Variants in ERC2 observed in about 807,000 individuals in gnomAD.
The protein encoded by ERC2 is ELKS/RAB6-interacting/CAST family member 2.
A neutral mutation model predicts 114.8 loss-of-function variants in ERC2; 42 were observed. The ratio of observed to expected loss-of-function variants is 0.37; its 90% CI spans 0.29 to 0.47. ERC2 has a LOEUF of 0.47. Ranked by LOEUF, ERC2 falls within the 20% of genes least tolerant of loss-of-function variation. ERC2 has a pLI of 0.99. For synonymous variants in ERC2, 454 were observed against 425.5 expected (o/e 1.07, Z -0.82); for missense variants, 939 against 1,150.7 (o/e 0.82, Z 2.66).
chr3:55,612,662 C>T (rs1168938068), intron 17 of ERC2: 2 of 152,108 alleles, frequency 1.3e-5, no homozygotes, highest in Non-Finnish European at 2.9e-5. Flanking sequence ...CAACAGTTGG[C>T]ATAAAGCAAT....
chr3:55,673,675 G>A (rs1001403919), intron 17 of ERC2, among the ~76,000 whole-genome samples: 2 of 152,126 alleles, frequency 1.3e-5, no homozygotes, highest in Non-Finnish European at 2.9e-5. Flanking sequence ...CAGCACCAGG[G>A]GAGACAAGTA....
intron 10 of ERC2, among the ~76,000 whole-genome samples, chr3:55,997,478 T>A (rs1400957039): frequency 6.0e-5 from 9 of 149,066 alleles, no homozygotes; most frequent in South Asian, 2.1e-4. Context: ...TAAAAGAAAA[T>A]TTTTAAGGTG....
rs145218963 is a variant in ERC2 at position 55,957,149 on chromosome 3, A to G, written c.2268-6589T>C. On this transcript the variant is annotated intron_variant, in intron 12 of 17. Coordinates refer to ENST00000288221, the MANE Select transcript of ERC2 (RefSeq NM_015576.3). ...GAGAAGTAGAACGTCCTGGAGGGAA[A>G]GACAATTTTAGCCTCCACCTTGTAG... is the stretch of plus-strand genomic sequence containing the variant. Among the ~76,000 whole-genome samples the G allele has an allele frequency of 1.7e-3, 261 of 152,302 alleles. 1 individual carries two copies. The highest frequency in any genetic ancestry group is 5.8e-3 in the African/African-American group (240 of 41,574).
At chr3:56,039,171 A>G (rs1378616897) in intron 7 of ERC2, among the ~76,000 whole-genome samples, 2 of 152,212 alleles carry the variant, frequency 1.3e-5, no homozygotes, top group Non-Finnish European at 2.9e-5. Context: ...GCACATGTTT[A>G]CCTATGAAAC....
intron 14 of ERC2, among the ~76,000 whole-genome samples, chr3:55,861,554 T>C (rs2062028099): frequency 6.6e-6 from 1 of 152,238 alleles, no homozygotes; most frequent in African/African-American, 2.4e-5. Flanking sequence ...TATAGGGACC[T>C]GTTTTAATTA....
intron 2 of ERC2, among the ~76,000 whole-genome samples, chr3:56,369,530 A>G (rs1270060005): frequency 6.6e-6 from 1 of 152,214 alleles, no homozygotes; most frequent in East Asian, 1.9e-4. Flanking sequence ...CACATTTCCT[A>G]CAGTGATAGT....
chr3:56,031,853 G>A (rs781239347), intron 7 of ERC2, among the ~76,000 whole-genome samples: 1 of 152,140 alleles, frequency 6.6e-6, no homozygotes, highest in Non-Finnish European at 1.5e-5. Flanking sequence ...AAATTCCACT[G>A]GGATTTTTGG....
chr3:56,439,748 G>GTT (rs955546908), intron 1 of ERC2, among the ~76,000 whole-genome samples: 2 of 148,000 alleles, frequency 1.4e-5, no homozygotes, highest in Non-Finnish European at 3.0e-5. Flanking sequence ...TTCCTTTATG[G>GTT]TTTTTTTTTG....
intron 15 of ERC2, among the ~76,000 whole-genome samples, chr3:55,704,066 C>T (rs1268783207): frequency 6.6e-6 from 1 of 152,104 alleles, no homozygotes; most frequent in Admixed American, 6.6e-5. Context: ...TCTGTTAGTG[C>T]CAAAAGTCAA....
chr3:55,645,154 G>A (rs1472124103), intron 17 of ERC2, among the ~76,000 whole-genome samples: 1 of 152,128 alleles, frequency 6.6e-6, no homozygotes, highest in Non-Finnish European at 1.5e-5. Flanking sequence ...TTGGAAATGA[G>A]TATATGTATA....
At position 56,057,566 on chromosome 3, in the gene ERC2, A is replaced by T. The variant is rs1376547843; in HGVS notation, c.1641+23251T>A. Among the ~76,000 whole-genome samples the T allele has an allele frequency of 2.0e-5, 3 of 152,206 alleles. No homozygotes were observed. In the East Asian group the frequency reaches 5.8e-4, roughly 29 times the overall value. On this transcript the variant is annotated intron_variant, in intron 7 of 17. Transcript: ENST00000288221. ...AAGATGTACCTAAAATGCAGTACCAAAGCAACTTCCCAGAACCTTGTTTTC... is the reference window on the plus strand; with the variant it reads ...AAGATGTACCTAAAATGCAGTACCATAGCAACTTCCCAGAACCTTGTTTTC...
intron 6 of ERC2, among the ~76,000 whole-genome samples, chr3:56,131,575 T>C (rs2080201358): frequency 6.6e-6 from 1 of 152,172 alleles, no homozygotes. Context: ...TATTATCCTT[T>C]GAAGGCTGAA....
rs9874512 is a variant in ERC2 at position 56,230,958 on chromosome 3, T to C, written c.1075-57438A>G. On this transcript the variant is annotated intron_variant, in intron 3 of 17. Coordinates refer to ENST00000288221, the MANE Select transcript of ERC2 (RefSeq NM_015576.3). ...TAGGATTAAAATATGCATCAGGTGCTGCCTAAGGGCAAAGTATCATGACAT... is the reference window on the plus strand; with the variant it reads ...TAGGATTAAAATATGCATCAGGTGCCGCCTAAGGGCAAAGTATCATGACAT... Among the ~76,000 whole-genome samples the C allele has an allele frequency of 4.9e-3, 744 of 152,376 alleles. 11 individuals are homozygous for C. Among genetic ancestry groups the C allele is most frequent in the African/African-American group, 0.016 (680 of 41,598 alleles).
At chr3:56,067,783 A>T (rs533502447) in intron 7 of ERC2, among the ~76,000 whole-genome samples, 1 of 152,200 alleles carries the variant, frequency 6.6e-6, no homozygotes, top group South Asian at 2.1e-4. Context: ...CCTTTTCTGC[A>T]TCTATTGAGA....
chr3:55,865,274 T>C (rs2062246498), intron 14 of ERC2, among the ~76,000 whole-genome samples: 1 of 152,158 alleles, frequency 6.6e-6, no homozygotes, highest in African/African-American at 2.4e-5. Flanking sequence ...ACCAGTGCCT[T>C]TCACTTGGTA....
intron 14 of ERC2, among the ~76,000 whole-genome samples, chr3:55,758,540 G>C (rs1559608124): frequency 6.6e-6 from 1 of 152,220 alleles, no homozygotes; most frequent in Admixed American, 6.5e-5. Flanking sequence ...CCCTATCTTT[G>C]GCAGTGTTCT....
chr3:56,225,581 C>T (rs1259435686), intron 3 of ERC2, among the ~76,000 whole-genome samples: 2 of 152,184 alleles, frequency 1.3e-5, no homozygotes, highest in African/African-American at 4.8e-5. Context: ...AATTTCTAAT[C>T]TGCAGCAAAA....
intron 2 of ERC2, among the ~76,000 whole-genome samples, chr3:56,382,518 T>C (rs1408354145): frequency 3.3e-5 from 5 of 152,166 alleles, no homozygotes; most frequent in African/African-American, 4.8e-5. Flanking sequence ...GTGACCTGAA[T>C]AAATCCAATG....
intron 3 of ERC2, among the ~76,000 whole-genome samples, chr3:56,183,448 T>C (rs1485615876): frequency 1.3e-5 from 2 of 152,160 alleles, no homozygotes; most frequent in Non-Finnish European, 2.9e-5. Context: ...GGGATAAATA[T>C]ATGGACTGAC....
Sources: allele counts gnomAD v4.1 joint callset (sites outside exome capture counted in the v4.1 genomes callset), GRCh38; gene constraint gnomAD v4.1.1; transcripts MANE v1.5; gene names NCBI Gene and HGNC (gene_info 2026-07-23, HGNC 2026-07-21).